UNC5C: variants seen among roughly 807,000 people sequenced by gnomAD.
UNC5C encodes unc-5 netrin receptor C, also known as netrin receptor UNC5C.
In UNC5C, 47 loss-of-function variants were observed where a neutral mutation model predicts 99.8. That is an observed-to-expected ratio of 0.47 (90% CI 0.37 to 0.60). The LOEUF is 0.60. UNC5C is among the 20% of genes least tolerant of loss of function. The pLI, the probability that UNC5C is intolerant of heterozygous loss-of-function variation, is 0.00. For missense variants in UNC5C, 1,062 were observed against 1,165.9 expected (o/e 0.91, Z 1.30); for synonymous variants, 487 against 452.2 (o/e 1.08, Z -0.98).
intron 1 of UNC5C, among the ~76,000 whole-genome samples, chr4:95,363,435 C>T (rs1231940107): frequency 6.6e-6 from 1 of 152,098 alleles, no homozygotes; most frequent in African/African-American, 2.4e-5. Context: ...ACTCAGAGAT[C>T]GTTTACAACA....
chr4:95,418,635 T>C (rs1001047749), intron 1 of UNC5C, among the ~76,000 whole-genome samples: 2 of 152,152 alleles, frequency 1.3e-5, no homozygotes, highest in Non-Finnish European at 2.9e-5. Context: ...GCACCAGCTG[T>C]CCATGCCTCT....
intron 1 of UNC5C, among the ~76,000 whole-genome samples, chr4:95,461,661 C>A (rs1747603368): frequency 6.6e-6 from 1 of 152,152 alleles, no homozygotes; most frequent in Non-Finnish European, 1.5e-5. Flanking sequence ...AAAATAACAA[C>A]AATGACAACC....
intron 9 of UNC5C, among the ~76,000 whole-genome samples, chr4:95,217,496 C>T (rs1738293215): frequency 6.6e-6 from 1 of 152,158 alleles, no homozygotes; most frequent in African/African-American, 2.4e-5. Context: ...AAACATAAAA[C>T]ATACCTTAAT....
At chr4:95,536,890 C>T (rs1432342316) in intron 1 of UNC5C, among the ~76,000 whole-genome samples, 1 of 152,088 alleles carries the variant, frequency 6.6e-6, no homozygotes, top group African/African-American at 2.4e-5. Context: ...TGCTTAAACC[C>T]TGACCATGTA....
intron 14 of UNC5C, 65 bp downstream of exon 14, chr4:95,182,832 C>A: frequency 6.5e-7 from 1 of 1,535,618 alleles, no homozygotes. Flanking sequence ...CCCTTTTAGC[C>A]CACACACTCT....
intron 14 of UNC5C, among the ~76,000 whole-genome samples, chr4:95,173,418 A>G (rs1334846726): frequency 1.5e-4 from 23 of 149,294 alleles, no homozygotes; most frequent in African/African-American, 5.7e-4. Flanking sequence ...ACGTCCCATC[A>G]ATACCTAATT....
chr4:95,522,479 G>T (rs1413297100), intron 1 of UNC5C, among the ~76,000 whole-genome samples: 2 of 151,930 alleles, frequency 1.3e-5, no homozygotes, highest in African/African-American at 2.4e-5. Context: ...GAGAGGGAGA[G>T]AAATTACAGA....
intron 2 of UNC5C, among the ~76,000 whole-genome samples, chr4:95,327,805 G>C (rs1742946364): frequency 6.6e-6 from 1 of 152,000 alleles, no homozygotes; most frequent in South Asian, 2.1e-4. Context: ...TCTGCTGAGA[G>C]CCACTTCTGC....
At chr4:95,455,792 T>C (rs1415735603) in intron 1 of UNC5C, among the ~76,000 whole-genome samples, 1 of 152,148 alleles carries the variant, frequency 6.6e-6, no homozygotes, top group African/African-American at 2.4e-5. Flanking sequence ...TAGTTCAAGT[T>C]ATTAATAACT....
intron 1 of UNC5C, among the ~76,000 whole-genome samples, chr4:95,450,608 C>T (rs2149467234): frequency 6.6e-6 from 1 of 152,306 alleles, no homozygotes. Context: ...CGTCTTATTT[C>T]TCTGAGAAAT....
At chr4:95,295,586 C>T (rs1280470499) in intron 3 of UNC5C, among the ~76,000 whole-genome samples, 1 of 152,128 alleles carries the variant, frequency 6.6e-6, no homozygotes, top group African/African-American at 2.4e-5. Context: ...AGAGCTTTTT[C>T]ATGAAAGAAC....
intron 1 of UNC5C, among the ~76,000 whole-genome samples, chr4:95,444,450 G>T (rs1747037661): frequency 1.3e-5 from 2 of 151,642 alleles, no homozygotes; most frequent in Non-Finnish European, 2.9e-5. Flanking sequence ...TCCTGCCTCA[G>T]CCTCCCGAGT....
chr4:95,188,004 A>G (rs976370317), intron 12 of UNC5C, among the ~76,000 whole-genome samples: 4 of 152,346 alleles, frequency 2.6e-5, no homozygotes, highest in African/African-American at 9.6e-5. Context: ...TATAAATTAC[A>G]TATCTCTATT....
At position 95,220,054 on chromosome 4, in the gene UNC5C, A is replaced by C. The variant is rs776491788; in HGVS notation, c.1231T>G (p.Ser411Ala). ...AGTGCCGAAGAGTCAATAATATCTG[A>C]CTCAAAGTCACGATGATTCTTCCGA... ...VYRKNHRDFE[S>A]DIIDSSALNG... The change falls in exon 8 of 16, where the codon TCA becomes GCA. Residue 411 changes from serine to alanine, a missense_variant. Coordinates refer to ENST00000453304, the MANE Select transcript of UNC5C (RefSeq NM_003728.4). The C allele has an allele frequency of 1.9e-6, 3 of 1,614,070 alleles. No homozygotes were observed. Among genetic ancestry groups the C allele is most frequent in the Non-Finnish European group, 1.7e-6 (2 of 1,180,008 alleles).
intron 1 of UNC5C, among the ~76,000 whole-genome samples, chr4:95,486,620 C>T (rs1721336058): frequency 1.3e-5 from 2 of 151,540 alleles, no homozygotes; most frequent in Admixed American, 6.6e-5. Context: ...AAACTGCTAC[C>T]AGAGTTATTA....
chr4:95,473,408 G>A (rs1158860007), intron 1 of UNC5C, among the ~76,000 whole-genome samples: 1 of 152,054 alleles, frequency 6.6e-6, no homozygotes, highest in Non-Finnish European at 1.5e-5. Flanking sequence ...TTCTCTTTTT[G>A]TCTCTTGAGA....
At chr4:95,339,611 C>T (rs1427060716) in intron 1 of UNC5C, among the ~76,000 whole-genome samples, 2 of 151,896 alleles carry the variant, frequency 1.3e-5, no homozygotes, top group Non-Finnish European at 2.9e-5. Context: ...GAAGGAGTGA[C>T]ATTAGGGTGA....
chr4:95,323,256 G>A (rs1337819623), intron 2 of UNC5C, among the ~76,000 whole-genome samples: 2 of 152,122 alleles, frequency 1.3e-5, no homozygotes, highest in Admixed American at 6.6e-5. Flanking sequence ...TGTTAAGCAG[G>A]AGCAGGAACA....
At chr4:95,448,373 C>G (rs561929122) in intron 1 of UNC5C, among the ~76,000 whole-genome samples, 1 of 152,062 alleles carries the variant, frequency 6.6e-6, no homozygotes, top group Non-Finnish European at 1.5e-5. Flanking sequence ...GCAACCCATA[C>G]GACCCCTCTG....
Sources: allele counts gnomAD v4.1 joint callset (sites outside exome capture counted in the v4.1 genomes callset), GRCh38; gene constraint gnomAD v4.1.1; transcripts MANE v1.5; gene names NCBI Gene and HGNC (gene_info 2026-07-23, HGNC 2026-07-21).